Variants in AK5 observed in about 807,000 individuals in gnomAD.
The protein encoded by AK5 is adenylate kinase 5.
A neutral mutation model predicts 69.5 loss-of-function variants in AK5; 27 were observed. The observed-to-expected ratio is 0.39, with a 90% CI of 0.29 to 0.54. The LOEUF is 0.54. AK5 is among the 20% of genes least tolerant of loss of function. The pLI, the probability that AK5 is intolerant of heterozygous loss-of-function variation, is 0.71. For missense variants in AK5, 531 were observed against 700.4 expected, an observed-to-expected ratio of 0.76 and a Z score of 2.73; for synonymous variants, 260 against 244.4, an observed-to-expected ratio of 1.06 and a Z score of -0.60.
chr1:77,308,219 A>G (rs1403552072), intron 5 of AK5, among the ~76,000 whole-genome samples: 2 of 151,974 alleles, frequency 1.3e-5, no homozygotes, highest in Non-Finnish European at 2.9e-5. Context: ...GCATAGCGCC[A>G]TTTTTCCTTA....
intron 8 of AK5, among the ~76,000 whole-genome samples, chr1:77,457,167 A>G (rs950372826): frequency 6.6e-6 from 1 of 152,082 alleles, no homozygotes; most frequent in African/African-American, 2.4e-5. Context: ...ACATTCCTGG[A>G]AGTTTTAAAG....
intron 6 of AK5, among the ~76,000 whole-genome samples, chr1:77,364,086 A>C (rs1478702974): frequency 1.3e-5 from 2 of 152,210 alleles, no homozygotes; most frequent in East Asian, 3.8e-4. Flanking sequence ...AAAAAAGGAA[A>C]TAAAGTCCAA....
At chr1:77,311,088 C>CTGTTCTCTT (rs763291290) in intron 5 of AK5, among the ~76,000 whole-genome samples, 4 of 152,036 alleles carry the variant, frequency 2.6e-5, no homozygotes, top group African/African-American at 7.3e-5. Context: ...GCCTTCTTTT[C>CTGTTCTCTT]TGTTCTCTTT....
At chr1:77,295,771 C>A (rs1658968337) in intron 3 of AK5, among the ~76,000 whole-genome samples, 1 of 152,064 alleles carries the variant, frequency 6.6e-6, no homozygotes, top group Non-Finnish European at 1.5e-5. Context: ...GGTTTGATAG[C>A]AAATTAATCT....
chr1:77,332,604 ATTATTTATTTAT>A lies in AK5; in HGVS notation c.700-7754_700-7743del, dbSNP rs71588894. Reference sequence around the variant, plus strand: ...TAGTTATATTTTTATTATTTATTTGATTATTTATTTATTTATTTATTTATTTATTTTTATTAT... The same window carrying A: ...TAGTTATATTTTTATTATTTATTTGATTATTTATTTATTTATTTTTATTAT... On this transcript the variant is annotated intron_variant, in intron 5 of 13. Transcript: ENST00000354567. Among the ~76,000 whole-genome samples, 1,004 of 146,190 alleles carry A rather than the reference ATTATTTATTTAT, an allele frequency of 6.9e-3. 10 individuals are homozygous for A. The highest frequency in any genetic ancestry group is 0.023 in the African/African-American group (920 of 40,218).
chr1:77,545,247 CTCTT>C (rs1659480959), intron 13 of AK5, among the ~76,000 whole-genome samples: 1 of 152,036 alleles, frequency 6.6e-6, no homozygotes, highest in South Asian at 2.1e-4. Flanking sequence ...TTCTCTTTCT[CTCTT>C]TCTTTTCTTC....
intron 10 of AK5, among the ~76,000 whole-genome samples, chr1:77,514,690 AAC>A (rs1220550040): frequency 6.6e-6 from 1 of 152,230 alleles, no homozygotes; most frequent in Non-Finnish European, 1.5e-5. Flanking sequence ...GCTGCTGTTC[AAC>A]ACACAGCTGT....
rs576841865 is a variant in AK5, at chr1:77,558,826, T to C, written c.*156T>C. On this transcript the variant is annotated 3_prime_UTR_variant, in exon 14 of 14. Transcript: ENST00000354567. ...ACTGTTTGCTTCCCAGCTAGACCTG[T>C]GTGAGAGGTGTCTGGAAATCATGCA... The C allele has an allele frequency of 4.6e-5, 28 of 615,120 alleles. No homozygotes were observed. The highest frequency in any genetic ancestry group is 7.4e-5 in the Non-Finnish European group (25 of 336,344). The allele number at this position is 615,120 out of a possible 1,614,324, so 38.1% of individuals were successfully genotyped here.
At position 77,323,760 on chromosome 1, in the gene AK5, G is replaced by A. The variant is rs543290400; in HGVS notation, c.700-16617G>A. Among the ~76,000 whole-genome samples, 15 of 152,202 alleles carry A rather than the reference G, an allele frequency of 9.9e-5. No individual in the cohort carries two copies. In the South Asian group the frequency reaches 2.5e-3, roughly 25 times the overall value. On this transcript the variant is annotated intron_variant, in intron 5 of 13. Transcript: ENST00000354567. ...CATTCTTTAGTCAGTGTGTGTTTAT[G>A]TATGTGTATGTGTGTGCATACATAC...
intron 2 of AK5, among the ~76,000 whole-genome samples, chr1:77,287,705 G>T (rs756122790): frequency 6.6e-6 from 1 of 152,202 alleles, no homozygotes; most frequent in African/African-American, 2.4e-5. Context: ...AGAAGCCAGC[G>T]CAGCCACGTG....
chr1:77,370,610 A>G (rs1445181760), intron 6 of AK5, among the ~76,000 whole-genome samples: 1 of 152,222 alleles, frequency 6.6e-6, no homozygotes, highest in East Asian at 1.9e-4. Flanking sequence ...GGGACAGTGG[A>G]TAGAATGGAA....
intron 5 of AK5, among the ~76,000 whole-genome samples, chr1:77,325,958 T>C (rs773702924): frequency 6.6e-6 from 1 of 152,128 alleles, no homozygotes; most frequent in Non-Finnish European, 1.5e-5. Context: ...TTAATAAATG[T>C]TTATGGATTG....
At chr1:77,447,490 G>T (rs1000394322) in intron 8 of AK5, among the ~76,000 whole-genome samples, 1 of 152,190 alleles carries the variant, frequency 6.6e-6, no homozygotes, top group Non-Finnish European at 1.5e-5. Context: ...TTATTTCAAA[G>T]CAACAGGATA....
At chr1:77,352,995 C>T (rs1267697701) in intron 6 of AK5, among the ~76,000 whole-genome samples, 1 of 152,132 alleles carries the variant, frequency 6.6e-6, no homozygotes, top group Non-Finnish European at 1.5e-5. Context: ...GCTTTATCTT[C>T]TCAGAGATTC....
chr1:77,472,021 T>G (rs1379512027), intron 8 of AK5, among the ~76,000 whole-genome samples: 1 of 152,216 alleles, frequency 6.6e-6, no homozygotes, highest in Non-Finnish European at 1.5e-5. Flanking sequence ...CTTTTAAATG[T>G]AAGCCAAAAA....
intron 12 of AK5, among the ~76,000 whole-genome samples, chr1:77,522,690 C>T (rs1322910796): frequency 3.3e-5 from 5 of 152,070 alleles, no homozygotes; most frequent in South Asian, 2.1e-4. Flanking sequence ...GTGGCTGCCA[C>T]GTATTGAACC....
chr1:77,414,445 A>G (rs1650257740), intron 7 of AK5, among the ~76,000 whole-genome samples: 1 of 152,156 alleles, frequency 6.6e-6, no homozygotes. Context: ...ACTTTGAGTT[A>G]AAGATCCACT....
chr1:77,323,019 G>A (rs1037379562), intron 5 of AK5, among the ~76,000 whole-genome samples: 44 of 149,060 alleles, frequency 3.0e-4, no homozygotes, highest in African/African-American at 1.0e-3. Context: ...ACAGAATTTC[G>A]CTCTGTCACC....
At chr1:77,433,321 G>A (rs190401121) in intron 8 of AK5, among the ~76,000 whole-genome samples, 1 of 152,186 alleles carries the variant, frequency 6.6e-6, no homozygotes, top group East Asian at 1.9e-4. Context: ...GATAATCACA[G>A]TAAGACTAAT....
Sources: gnomAD v4.1 joint callset for allele counts (sites outside exome capture counted in the v4.1 genomes callset) on GRCh38, gnomAD v4.1.1 for gene constraint, MANE v1.5 for transcripts, NCBI Gene and HGNC (gene_info 2026-07-23, HGNC 2026-07-21) for gene names.